Variants in NEO1 observed in about 807,000 individuals in gnomAD.
NEO1 encodes neogenin 1.
NEO1 carries 63 observed loss-of-function variants against 159.7 expected under a neutral mutation model. The ratio of observed to expected loss-of-function variants is 0.39; its 90% CI spans 0.32 to 0.49. NEO1 has a LOEUF of 0.49. Ranked by LOEUF, NEO1 falls within the 20% of genes least tolerant of loss-of-function variation. The pLI, the probability that NEO1 is intolerant of heterozygous loss-of-function variation, is 0.85. For missense variants in NEO1, 1,615 were observed against 1,831.0 expected (o/e 0.88, Z 2.15); for synonymous variants, 633 against 662.0 (o/e 0.96, Z 0.67).
intron 1 of NEO1, among the ~76,000 whole-genome samples, chr15:73,108,480 C>T (rs4777588): frequency 0.71 from 107,855 of 152,080 alleles, 39,252 homozygotes; most frequent in African/African-American, 0.88. Flanking sequence ...TCATTAAGTA[C>T]CACTAATACT....
At chr15:73,261,923 A>T (rs965473747) in intron 15 of NEO1, among the ~76,000 whole-genome samples, 2 of 152,186 alleles carry the variant, frequency 1.3e-5, no homozygotes, top group African/African-American at 4.8e-5. Flanking sequence ...GTAAAGGAAG[A>T]TGTTATACAT....
rs888605772 is a variant in NEO1 at position 73,126,515 on chromosome 15, C to T, written c.823C>T (p.Leu275Phe). Residue 275 changes from leucine (L) to phenylalanine (F), a missense_variant, in exon 4 of 29, where the codon CTT becomes TTT. Leu to Phe is a conservative substitution (Grantham distance 22). Coordinates refer to ENST00000261908, the MANE Select transcript of NEO1 (RefSeq NM_002499.4). ...AGTGTTGCCATGTGTTGCTTCAGGA[C>T]TTCCTACTCCAACCATTAAATGGAT... is the stretch of plus-strand genomic sequence containing the variant. ...DVVLPCVASG[L>F]PTPTIKWMKN... The T allele has an allele frequency of 5.6e-6, 9 of 1,613,642 alleles. No homozygotes were observed. Among genetic ancestry groups the T allele is most frequent in the Non-Finnish European group, 7.6e-6 (9 of 1,179,894 alleles).
At chr15:73,187,524 C>A in intron 7 of NEO1, among the ~76,000 whole-genome samples, 1 of 152,130 alleles carries the variant, frequency 6.6e-6, no homozygotes, top group East Asian at 1.9e-4. Flanking sequence ...CAGTGGTTGG[C>A]AAACTTTCTG....
chr15:73,091,895 G>A (rs1156353386), intron 1 of NEO1, among the ~76,000 whole-genome samples: 1 of 151,988 alleles, frequency 6.6e-6, no homozygotes, highest in Non-Finnish European at 1.5e-5. Context: ...CCAAAGTGCT[G>A]GGGTTAAGGC....
chr15:73,129,506 A>G (rs1360257511), intron 4 of NEO1, among the ~76,000 whole-genome samples: 3 of 152,208 alleles, frequency 2.0e-5, no homozygotes, highest in East Asian at 3.8e-4. Flanking sequence ...TAAATGTCCA[A>G]AAATTGATCT....
At chr15:73,067,540 C>T (rs4776624) in intron 1 of NEO1, among the ~76,000 whole-genome samples, 44,890 of 150,794 alleles carry the variant, frequency 0.3, 8,134 homozygotes, top group Admixed American at 0.43. Context: ...AACTCTGCCT[C>T]CCGGGTTCAC....
At chr15:73,064,807 A>G (rs191192329) in intron 1 of NEO1, among the ~76,000 whole-genome samples, 3 of 152,250 alleles carry the variant, frequency 2.0e-5, no homozygotes, top group African/African-American at 7.2e-5. Flanking sequence ...GCACGTGGTT[A>G]GGTTTTGTTT....
rs10623334 is a variant in NEO1, at chr15:73,257,132, C to CAAAAAAAAAAAAAAAAAA, written c.2093-1630_2093-1613dup. ...GGGCAACAGAGAGAGACTCTGTCTCCAAAAAAAAAAAAAAAAAAAAAGTTT... is the reference window on the plus strand; with the variant it reads ...GGGCAACAGAGAGAGACTCTGTCTCCAAAAAAAAAAAAAAAAAAAAAAAAAAAAAAAAAAAAAAAGTTT... On this transcript the variant is annotated intron_variant, in intron 13 of 28. Coordinates refer to ENST00000261908, the MANE Select transcript of NEO1 (RefSeq NM_002499.4). Among the ~76,000 whole-genome samples the CAAAAAAAAAAAAAAAAAA allele has an allele frequency of 5.3e-4, 29 of 54,772 alleles. 1 individual carries two copies. The highest frequency in any genetic ancestry group is 1.7e-3 in the African/African-American group (29 of 17,182). 35.9% of individuals were successfully genotyped at this position (54,772 alleles called of 152,430 possible).
chr15:73,070,418 A>C (rs4777583), intron 1 of NEO1, among the ~76,000 whole-genome samples: 61,256 of 152,112 alleles, frequency 0.4, 14,366 homozygotes, highest in Middle Eastern at 0.52. Flanking sequence ...CTAGCTGTAG[A>C]TATAACTCAT....
At chr15:73,263,926 C>T (rs1449927234) in intron 15 of NEO1, among the ~76,000 whole-genome samples, 1 of 152,184 alleles carries the variant, frequency 6.6e-6, no homozygotes, top group Non-Finnish European at 1.5e-5. Context: ...TGGCTCACAC[C>T]TCTAATCCCA....
chr15:73,191,838 TA>T (rs1366125167), intron 7 of NEO1, among the ~76,000 whole-genome samples: 1 of 152,060 alleles, frequency 6.6e-6, no homozygotes, highest in African/African-American at 2.4e-5. Context: ...GAAATAAAAG[TA>T]AATTTACTTT....
intron 7 of NEO1, chr15:73,222,091 ATTTT>A (rs71137336): frequency 3.0e-4 from 16 of 53,046 alleles, no homozygotes; most frequent in African/African-American, 4.1e-4. Context: ...CCTGTTGGTA[ATTTT>A]TTTTTTTTTT....
At chr15:73,109,204 C>T (rs1327054746) in intron 1 of NEO1, among the ~76,000 whole-genome samples, 2 of 152,052 alleles carry the variant, frequency 1.3e-5, no homozygotes, top group African/African-American at 4.8e-5. Flanking sequence ...AGACTGTTAG[C>T]GATTTTGGGG....
chr15:73,065,282 G>A (rs2068160159), intron 1 of NEO1, among the ~76,000 whole-genome samples: 1 of 150,492 alleles, frequency 6.6e-6, no homozygotes, highest in Admixed American at 6.6e-5. Flanking sequence ...CACGTATTTC[G>A]TTTGTGAGTT....
At chr15:73,223,261 G>A (rs899993302) in intron 7 of NEO1, among the ~76,000 whole-genome samples, 1 of 152,124 alleles carries the variant, frequency 6.6e-6, no homozygotes, top group African/African-American at 2.4e-5. Flanking sequence ...TTCTGTGGTT[G>A]TTGGATGAAA....
At chr15:73,225,959 G>C (rs1363769375) in intron 7 of NEO1, among the ~76,000 whole-genome samples, 1 of 152,078 alleles carries the variant, frequency 6.6e-6, no homozygotes, top group Non-Finnish European at 1.5e-5. Context: ...GAGCTCCCGG[G>C]GCCTTTCTCG....
At chr15:73,056,371 A>C (rs114731364) in intron 1 of NEO1, among the ~76,000 whole-genome samples, 461 of 152,258 alleles carry the variant, frequency 3.0e-3, no homozygotes, top group African/African-American at 0.01. Flanking sequence ...TATGGTCACT[A>C]TTCTGTGTTC....
chr15:73,052,827 G>T, intron 1 of NEO1, 22 bp downstream of exon 1: 1 of 583,892 alleles, frequency 1.7e-6, no homozygotes, highest in Non-Finnish European at 2.2e-6. Context: ...GCGCGGGCCC[G>T]GGGGTTCGCG....
intron 6 of NEO1, 93 bp from the exon 7 acceptor site, chr15:73,178,214 G>GT: frequency 1.7e-6 from 2 of 1,205,760 alleles, no homozygotes; most frequent in East Asian, 5.1e-5. Flanking sequence ...AACTTTACTT[G>GT]TTTTTTTCCT....
Sources: gnomAD v4.1 joint callset for allele counts (sites outside exome capture counted in the v4.1 genomes callset) on GRCh38, gnomAD v4.1.1 for gene constraint, MANE v1.5 for transcripts, NCBI Gene and HGNC (gene_info 2026-07-23, HGNC 2026-07-21) for gene names.